ZNF804A: variants seen among roughly 807,000 people sequenced by gnomAD.
ZNF804A encodes zinc finger protein 804A.
A neutral mutation model predicts 16.5 loss-of-function variants in ZNF804A; 2 were observed. The observed-to-expected ratio is 0.12, with a 90% confidence interval of 0.05 to 0.38. The LOEUF (loss-of-function observed/expected upper bound fraction) is 0.38, where lower values mean the gene tolerates loss of function less well. Among genes scored for constraint, ZNF804A ranks in the 10% least tolerant of loss-of-function variants. The pLI is 0.99. For synonymous variants in ZNF804A, 534 were observed against 489.6 expected, an observed-to-expected ratio of 1.09 and a Z score of -1.20; for missense variants, 1,473 against 1,390.7, an observed-to-expected ratio of 1.06 and a Z score of -0.94.
intron 1 of ZNF804A, among the ~76,000 whole-genome samples, chr2:184,827,547 T>G (rs1189843971): frequency 6.7e-6 from 1 of 149,216 alleles, no homozygotes; most frequent in African/African-American, 2.4e-5. Flanking sequence ...AGTAGTAACC[T>G]CTACCCAGGA....
Position 184,937,605 on chromosome 2 carries a change from A to G in ZNF804A, c.2209A>G (p.Arg737Gly). ...AATGTCAAGCTGTAGTCAGGATCAC[A>G]GAAGCTTAGTTCTTCAAAATGATAT... ...TKMSSCSQDH[R>G]SLVLQNDMKH... is the part of the protein sequence containing the mutation. Residue 737 changes from arginine to glycine, a missense_variant, in exon 4 of 4, where the codon AGA becomes GGA. Coordinates refer to ENST00000302277, the MANE Select transcript of ZNF804A (RefSeq NM_194250.2). The G allele has an allele frequency of 6.2e-7, 1 of 1,613,628 alleles. No homozygotes were observed. The highest frequency in any genetic ancestry group is 1.1e-5 in the South Asian group (1 of 91,036).
At chr2:184,752,298 G>A (rs1030364801) in intron 1 of ZNF804A, among the ~76,000 whole-genome samples, 6 of 151,450 alleles carry the variant, frequency 4.0e-5, no homozygotes, top group Admixed American at 6.6e-5. Flanking sequence ...ACTACACAGC[G>A]ACAAAAATAA....
intron 1 of ZNF804A, among the ~76,000 whole-genome samples, chr2:184,737,719 T>C (rs960772695): frequency 5.9e-5 from 9 of 152,276 alleles, no homozygotes; most frequent in African/African-American, 2.2e-4. Flanking sequence ...TAATATACAT[T>C]TCTGTAGCCT....
intron 1 of ZNF804A, among the ~76,000 whole-genome samples, chr2:184,755,905 C>T (rs997414324): frequency 1.9e-4 from 29 of 151,900 alleles, no homozygotes; most frequent in African/African-American, 5.6e-4. Context: ...TTGAAATACA[C>T]GCTGTTTATT....
chr2:184,842,063 T>A (rs1471866186), intron 1 of ZNF804A, among the ~76,000 whole-genome samples: 1 of 152,240 alleles, frequency 6.6e-6, no homozygotes, highest in Non-Finnish European at 1.5e-5. Context: ...GTCCTTCCCT[T>A]ACTCATTGTA....
intron 1 of ZNF804A, among the ~76,000 whole-genome samples, chr2:184,852,229 T>TTC (rs10618125): frequency 0.025 from 3,401 of 134,706 alleles, 46 homozygotes; most frequent in Middle Eastern, 0.055. Context: ...TGCGGTCTCT[T>TTC]TCTCTCTCTC....
chr2:184,661,815 G>A (rs1159157308), intron 1 of ZNF804A, among the ~76,000 whole-genome samples: 1 of 152,072 alleles, frequency 6.6e-6, no homozygotes, highest in African/African-American at 2.4e-5. Flanking sequence ...CTCTCAAGAT[G>A]ATATAAGTTA....
At chr2:184,760,363 T>C (rs1694023412) in intron 1 of ZNF804A, among the ~76,000 whole-genome samples, 1 of 152,138 alleles carries the variant, frequency 6.6e-6, no homozygotes, top group African/African-American at 2.4e-5. Flanking sequence ...ATGACATATA[T>C]AATTATTTTT....
chr2:184,761,415 A>T (rs1331818019), intron 1 of ZNF804A, among the ~76,000 whole-genome samples: 1 of 152,168 alleles, frequency 6.6e-6, no homozygotes, highest in African/African-American at 2.4e-5. Context: ...CTTGAAGCTT[A>T]CAGCTCTAAG....
intron 1 of ZNF804A, among the ~76,000 whole-genome samples, chr2:184,641,243 AC>A (rs1463128852): frequency 6.6e-6 from 1 of 152,162 alleles, no homozygotes; most frequent in Non-Finnish European, 1.5e-5. Flanking sequence ...GAGCCATCAT[AC>A]CCAGCCAAAA....
intron 1 of ZNF804A, among the ~76,000 whole-genome samples, chr2:184,820,795 A>G (rs1695066068): frequency 6.6e-6 from 1 of 152,066 alleles, no homozygotes; most frequent in Admixed American, 6.6e-5. Context: ...GAACCAAAAC[A>G]TGAATGAACT....
chr2:184,914,402 G>A (rs1232201307), intron 2 of ZNF804A, among the ~76,000 whole-genome samples: 1 of 152,074 alleles, frequency 6.6e-6, no homozygotes, highest in African/African-American at 2.4e-5. Flanking sequence ...CATTGTTCTG[G>A]CAAGGGACAA....
intron 1 of ZNF804A, among the ~76,000 whole-genome samples, chr2:184,842,523 TA>T (rs71403991): frequency 7.5e-4 from 111 of 147,290 alleles, no homozygotes; most frequent in African/African-American, 2.3e-3. Flanking sequence ...TTTTTTTTTT[TA>T]AAAAAAAAGG....
chr2:184,855,960 A>G (rs1695680391), intron 1 of ZNF804A, among the ~76,000 whole-genome samples: 1 of 152,018 alleles, frequency 6.6e-6, no homozygotes. Flanking sequence ...CTATCAAATA[A>G]CTTTTTAATG....
intron 1 of ZNF804A, among the ~76,000 whole-genome samples, chr2:184,729,115 T>C (rs965531798): frequency 5.9e-5 from 9 of 151,840 alleles, no homozygotes; most frequent in Non-Finnish European, 1.2e-4. Flanking sequence ...AAGAGATCTA[T>C]TGAACATCAC....
intron 1 of ZNF804A, among the ~76,000 whole-genome samples, chr2:184,846,576 A>G (rs1170050532): frequency 1.3e-5 from 2 of 152,088 alleles, no homozygotes; most frequent in Admixed American, 1.3e-4. Flanking sequence ...AACCTGATGT[A>G]CATGTTCTTG....
rs193000214 is a variant in ZNF804A, at chr2:184,938,715, G to T, written c.3319G>T (p.Ala1107Ser). 1.9e-6 allele frequency: 3 copies of T among 1,611,054 alleles called. No individual in the cohort carries two copies. The highest frequency in any genetic ancestry group is 2.5e-6 in the Non-Finnish European group (3 of 1,178,150). The change falls in exon 4 of 4, where the codon GCT (alanine) becomes TCT (serine). Residue 1107 changes from alanine to serine, a missense_variant. By Grantham distance (99) the Ala-to-Ser change is moderately conservative (BLOSUM62 1). Coordinates refer to ENST00000302277, the MANE Select transcript of ZNF804A (RefSeq NM_194250.2). Reference sequence around the variant, plus strand: ...CCATCACACTGTTTTGCAGCAGCACGCTGCAGCTGCTGCAGCTGCAGCTGC... The same window carrying T: ...CCATCACACTGTTTTGCAGCAGCACTCTGCAGCTGCTGCAGCTGCAGCTGC... Reference protein sequence around the residue: ...TIHHTVLQQHAAAAAAAAAAA... With the variant: ...TIHHTVLQQHSAAAAAAAAAA...
At chr2:184,764,193 T>C (rs576197926) in intron 1 of ZNF804A, among the ~76,000 whole-genome samples, 1 of 151,432 alleles carries the variant, frequency 6.6e-6, no homozygotes, top group African/African-American at 2.4e-5. Context: ...ATAAAAATTA[T>C]GACTTTTATT....
intron 1 of ZNF804A, among the ~76,000 whole-genome samples, chr2:184,600,208 C>A (rs1035750950): frequency 2.6e-5 from 4 of 152,108 alleles, no homozygotes; most frequent in Non-Finnish European, 5.9e-5. Flanking sequence ...AAATATGTTT[C>A]TTTATGAATA....
Sources: gnomAD v4.1 joint callset for allele counts (sites outside exome capture counted in the v4.1 genomes callset) on GRCh38, gnomAD v4.1.1 for gene constraint, MANE v1.5 for transcripts, NCBI Gene and HGNC (gene_info 2026-07-23, HGNC 2026-07-21) for gene names.